The following RGS17 variants were observed in gnomAD, a reference collection of about 807,000 sequenced individuals.
RGS17 encodes regulator of G protein signaling 17.
In RGS17, 12 loss-of-function variants were observed where a neutral mutation model predicts 25.5. The observed-to-expected ratio is 0.47, with a 90% CI of 0.30 to 0.76. The LOEUF is 0.76. Ranked by LOEUF, RGS17 falls within the 30% of genes least tolerant of loss-of-function variation. The probability of loss-of-function intolerance (pLI) is 0.07; values close to 1 mark genes in which losing one functional copy is unlikely to be tolerated. For synonymous variants in RGS17, 71 were observed against 76.9 expected (o/e 0.92, Z 0.40); for missense variants, 196 against 242.2 (o/e 0.81, Z 1.27).
chr6:153,115,545 G>A (rs1160757947), intron 1 of RGS17, among the ~76,000 whole-genome samples: 1 of 152,122 alleles, frequency 6.6e-6, no homozygotes, highest in Non-Finnish European at 1.5e-5. Context: ...AGCTGCCATT[G>A]ACTTTCTTCA....
chr6:153,011,593 C>T lies in RGS17; in HGVS notation c.614G>A (p.Gly205Asp), dbSNP rs768406565. ...TGAACATTAAGATTCAGAAGAAGAG[C>T]CAGCAGTACTTTCAACAAATGACTT... ...IYKSFVESTA[G>D]SSSES Residue 205 changes from glycine to aspartate, a missense_variant, in exon 5 of 5, where the codon GGC (glycine) becomes GAC (aspartate). By Grantham distance (94) the Gly-to-Asp change is moderately conservative. This residue lies in a region of RGS17 where 179 missense variants were observed against 197.6 expected (regional missense o/e 0.91). Transcript: ENST00000206262. The T allele has an allele frequency of 6.2e-7, 1 of 1,606,794 alleles. No homozygotes were observed. The highest frequency in any genetic ancestry group is 8.5e-7 in the Non-Finnish European group (1 of 1,175,852).
At chr6:153,096,310 G>A (rs764395152) in intron 1 of RGS17, among the ~76,000 whole-genome samples, 5 of 152,204 alleles carry the variant, frequency 3.3e-5, no homozygotes, top group Non-Finnish European at 7.3e-5. Context: ...TTAACTTGCT[G>A]TGTAATATAG....
chr6:153,086,716 C>T (rs377599665), intron 1 of RGS17, among the ~76,000 whole-genome samples: 1 of 152,114 alleles, frequency 6.6e-6, no homozygotes, highest in Non-Finnish European at 1.5e-5. Flanking sequence ...TAAGATACAG[C>T]GAGGTTAATA....
At chr6:153,123,543 A>G (rs1777667005) in intron 1 of RGS17, among the ~76,000 whole-genome samples, 1 of 152,176 alleles carries the variant, frequency 6.6e-6, no homozygotes, top group African/African-American at 2.4e-5. Context: ...TCTAACTGCT[A>G]GATTTAGAAA....
intron 1 of RGS17, among the ~76,000 whole-genome samples, chr6:153,070,970 T>C (rs2097786098): frequency 6.7e-6 from 1 of 149,044 alleles, no homozygotes. Flanking sequence ...TATACACGTG[T>C]ATATGTACAC....
intron 1 of RGS17, among the ~76,000 whole-genome samples, chr6:153,122,157 C>G (rs1227149609): frequency 6.6e-6 from 1 of 152,066 alleles, no homozygotes; most frequent in African/African-American, 2.4e-5. Context: ...TCATTTGTGC[C>G]TCCCCCTCTA....
intron 1 of RGS17, among the ~76,000 whole-genome samples, chr6:153,118,096 G>C (rs1777569314): frequency 6.6e-6 from 1 of 152,198 alleles, no homozygotes; most frequent in Admixed American, 6.5e-5. Context: ...CAAGTGCCAA[G>C]GAAAGGAGGT....
chr6:153,049,706 G>A (rs565165027), intron 1 of RGS17, among the ~76,000 whole-genome samples: 6 of 152,038 alleles, frequency 3.9e-5, no homozygotes, highest in African/African-American at 1.4e-4. Flanking sequence ...AGCCGAGATC[G>A]CACCACTGCA....
chr6:153,119,576 A>G (rs7740380), intron 1 of RGS17, among the ~76,000 whole-genome samples: 68,926 of 151,954 alleles, frequency 0.45, 16,242 homozygotes, highest in East Asian at 0.85. Flanking sequence ...ACCTGTAATC[A>G]CAGCTACTTT....
chr6:153,111,946 C>A (rs1777476957), intron 1 of RGS17, among the ~76,000 whole-genome samples: 1 of 152,126 alleles, frequency 6.6e-6, no homozygotes, highest in African/African-American at 2.4e-5. Flanking sequence ...ACATCAAAGA[C>A]CAAAGGTAGA....
chr6:153,110,302 T>C (rs1454881071), intron 1 of RGS17, among the ~76,000 whole-genome samples: 1 of 152,180 alleles, frequency 6.6e-6, no homozygotes, highest in East Asian at 1.9e-4. Context: ...TTTCCTTTCC[T>C]GGTTCTAGTT....
intron 1 of RGS17, among the ~76,000 whole-genome samples, chr6:153,087,496 AAAGAT>A (rs1441355120): frequency 6.6e-6 from 1 of 152,346 alleles, no homozygotes; most frequent in African/African-American, 2.4e-5. Flanking sequence ...AAAGTAAAGA[AAAGAT>A]AACTCAGGCA....
chr6:153,021,252 T>C (rs1265092535), intron 4 of RGS17, among the ~76,000 whole-genome samples: 1 of 152,242 alleles, frequency 6.6e-6, no homozygotes, highest in Non-Finnish European at 1.5e-5. Context: ...TCCAGTGCTC[T>C]AATTCCGGTA....
intron 1 of RGS17, among the ~76,000 whole-genome samples, chr6:153,115,042 C>T (rs1451991350): frequency 6.6e-6 from 1 of 152,106 alleles, no homozygotes; most frequent in Non-Finnish European, 1.5e-5. Flanking sequence ...CCCTCTCTCA[C>T]CACTCCTATT....
At position 153,064,675 on chromosome 6, in the gene RGS17, T is replaced by C. The variant is rs148496690; in HGVS notation, c.-25-20632A>G. On this transcript the variant is annotated intron_variant, in intron 1 of 4. Transcript: ENST00000206262. ...ATGAAGTTAAGGCCTAGAGTGTTCA[T>C]TAATTTTCATTTTGCTTCTTTATTT... 8.2e-4 allele frequency among the ~76,000 whole-genome samples: 124 copies of C among 152,066 alleles called. 1 individual carries two copies. The East Asian group carries it at 0.021, about 26-fold the overall frequency.
chr6:153,082,776 A>C (rs934135999), intron 1 of RGS17, among the ~76,000 whole-genome samples: 4 of 152,128 alleles, frequency 2.6e-5, no homozygotes, highest in Non-Finnish European at 5.9e-5. Flanking sequence ...TTAGATACAA[A>C]AATTTTGTTC....
chr6:153,014,813 A>AAG (rs1779167078), intron 4 of RGS17, among the ~76,000 whole-genome samples: 1 of 149,678 alleles, frequency 6.7e-6, no homozygotes, highest in African/African-American at 2.5e-5. Context: ...AAAAAAAAAA[A>AAG]GAAACCCATT....
chr6:153,114,971 T>C (rs1777523177), intron 1 of RGS17, among the ~76,000 whole-genome samples: 1 of 152,082 alleles, frequency 6.6e-6, no homozygotes, highest in Non-Finnish European at 1.5e-5. Context: ...ACAGCCAATA[T>C]CATACTGAAT....
chr6:153,093,473 T>C (rs1777161545), intron 1 of RGS17, among the ~76,000 whole-genome samples: 1 of 152,214 alleles, frequency 6.6e-6, no homozygotes, highest in Admixed American at 6.5e-5. Context: ...AAATGTTCAC[T>C]TTATCTTCCA....
Sources: gnomAD v4.1 joint callset for allele counts (sites outside exome capture counted in the v4.1 genomes callset) on GRCh38, gnomAD v4.1.1 for gene constraint, gnomAD v4.1.1 regional missense constraint, MANE v1.5 for transcripts, NCBI Gene and HGNC (gene_info 2026-07-23, HGNC 2026-07-21) for gene names.